ZFP1: variants seen among roughly 807,000 people sequenced by gnomAD.
ZFP1 encodes zinc finger protein 1 homolog.
A neutral mutation model predicts 38.5 loss-of-function variants in ZFP1; 32 were observed. That is an observed-to-expected ratio of 0.83 (90% CI 0.63 to 1.12). The LOEUF is 1.12. Among genes scored for constraint, ZFP1 ranks in the 50% most tolerant of loss-of-function variants. The pLI is 0.00. For synonymous variants in ZFP1, 245 were observed against 168.8 expected, an observed-to-expected ratio of 1.45 and a Z score of -3.50; for missense variants, 616 against 480.8, an observed-to-expected ratio of 1.28 and a Z score of -2.63.
chr16:75,169,620 C>G lies in ZFP1; in HGVS notation c.510C>G (p.Ala170=). ...GAAAAGCCCTCAGCCATAAAGCAGC[C>G]ATTTTTAAACATCAGAAAATAAAAA... ...KSGKALSHKA[A]IFKHQKIKNL... Residue 170 remains alanine, a synonymous_variant, in exon 4 of 4, where the codon GCC becomes GCG. Transcript: ENST00000570010. 6.3e-7 allele frequency: 1 copy of G among 1,591,862 alleles called. No individual in the cohort carries two copies. Among genetic ancestry groups the G allele is most frequent in the South Asian group, 1.1e-5 (1 of 87,200 alleles).
the ZFP1 span, among the ~76,000 whole-genome samples, chr16:75,129,535 G>C: frequency 6.6e-6 from 1 of 152,100 alleles, no homozygotes; most frequent in Admixed American, 6.5e-5. Flanking sequence ...GTCTTGGAGA[G>C]GCTAATAAGA....
the ZFP1 span, among the ~76,000 whole-genome samples, chr16:75,142,916 G>A: frequency 6.6e-6 from 1 of 152,170 alleles, no homozygotes; most frequent in Non-Finnish European, 1.5e-5. Flanking sequence ...TGGCCAGGCT[G>A]ATCTTGAACT....
chr16:75,139,930 T>C, the ZFP1 span, among the ~76,000 whole-genome samples: 3 of 152,258 alleles, frequency 2.0e-5, no homozygotes, highest in Admixed American at 1.3e-4. Flanking sequence ...TTGAAAATGG[T>C]TAAGATAGTA....
the ZFP1 span, among the ~76,000 whole-genome samples, chr16:75,140,046 A>G: frequency 3.9e-5 from 6 of 152,082 alleles, no homozygotes; most frequent in Non-Finnish European, 8.8e-5. Flanking sequence ...AGGTGGGAGG[A>G]TCACCTGAAG....
At chr16:75,160,554 G>T (rs953865919) in intron 2 of ZFP1, among the ~76,000 whole-genome samples, 29 of 151,926 alleles carry the variant, frequency 1.9e-4, no homozygotes, top group Non-Finnish European at 1.9e-4. Flanking sequence ...AGCTACTTAG[G>T]TGGCTGAGGC....
At chr16:75,140,937 C>G in the ZFP1 span, among the ~76,000 whole-genome samples, 1 of 151,772 alleles carries the variant, frequency 6.6e-6, no homozygotes, top group African/African-American at 2.4e-5. Flanking sequence ...CTAGCCTGGG[C>G]GACAGAGCAA....
chr16:75,167,096 A>G (rs1403045675), intron 3 of ZFP1, among the ~76,000 whole-genome samples, 200 bp downstream of exon 3: 1 of 152,238 alleles, frequency 6.6e-6, no homozygotes, highest in Non-Finnish European at 1.5e-5. Flanking sequence ...ATTAGGAGCT[A>G]TGTCCCATTA....
At chr16:75,141,830 C>T in the ZFP1 span, among the ~76,000 whole-genome samples, 1 of 151,288 alleles carries the variant, frequency 6.6e-6, no homozygotes, top group African/African-American at 2.4e-5. Flanking sequence ...GCGAGTGGAT[C>T]ATTTGAGGTC....
intron 3 of ZFP1, among the ~76,000 whole-genome samples, chr16:75,168,281 C>G (rs551893493): frequency 6.6e-6 from 1 of 152,152 alleles, no homozygotes; most frequent in Non-Finnish European, 1.5e-5. Flanking sequence ...TTAGCCTTGC[C>G]AGTATCTGTT....
chr16:75,158,217 C>G (rs916403732), intron 2 of ZFP1, among the ~76,000 whole-genome samples: 1 of 151,840 alleles, frequency 6.6e-6, no homozygotes, highest in Non-Finnish European at 1.5e-5. Flanking sequence ...TTGATCCAGC[C>G]TGTTTCTTTT....
the ZFP1 span, among the ~76,000 whole-genome samples, chr16:75,124,048 T>G: frequency 6.6e-6 from 1 of 151,504 alleles, no homozygotes; most frequent in Non-Finnish European, 1.5e-5. Flanking sequence ...AAGCCAAGAT[T>G]GCGCCTCTGC....
intron 2 of ZFP1, among the ~76,000 whole-genome samples, chr16:75,161,168 A>G (rs1373470102): frequency 1.3e-5 from 2 of 152,094 alleles, no homozygotes; most frequent in Admixed American, 6.6e-5. Flanking sequence ...TCCGGGTTCA[A>G]GCGATTCTCC....
chr16:75,152,478 A>G (rs770392160), intron 1 of ZFP1, among the ~76,000 whole-genome samples: 1 of 152,214 alleles, frequency 6.6e-6, no homozygotes, highest in Non-Finnish European at 1.5e-5. Flanking sequence ...ACCTGCTGAA[A>G]GATCAACTCT....
At chr16:75,120,506 G>T in the ZFP1 span, among the ~76,000 whole-genome samples, 13 of 147,358 alleles carry the variant, frequency 8.8e-5, no homozygotes, top group East Asian at 2.0e-4. Context: ...CCTGTTTGTG[G>T]TTTTTTTTTG....
intron 2 of ZFP1, among the ~76,000 whole-genome samples, chr16:75,154,522 ATG>A (rs1471849251): frequency 6.7e-6 from 1 of 150,268 alleles, no homozygotes; most frequent in East Asian, 2.0e-4. Flanking sequence ...ACTCCCTTCA[ATG>A]TGGCTGTACC....
intron 1 of ZFP1, among the ~76,000 whole-genome samples, chr16:75,151,303 A>G (rs1489250932): frequency 6.6e-6 from 1 of 151,834 alleles, no homozygotes; most frequent in Non-Finnish European, 1.5e-5. Flanking sequence ...CTTTTTTTAT[A>G]TAATTTGACC....
Position 75,172,094 on chromosome 16 carries a change from T to C in ZFP1, c.*1760T>C, listed in dbSNP as rs2038465297. The stretch of plus-strand genomic sequence containing the variant: ...AATAAATTGTGGTAAAAACATACCA[T>C]GGCTGAATGGTATTTCCTTGAAAAG... On this transcript the variant is annotated 3_prime_UTR_variant, in exon 4 of 4. Transcript: ENST00000570010. The C allele has an allele frequency of 6.6e-6, 1 of 152,170 alleles. No individual in the cohort carries two copies. 9.4% of individuals were successfully genotyped at this position (152,170 alleles called of 1,614,324 possible). A position where few individuals can be genotyped will look rare whatever the true frequency, so the allele number is the denominator to read the frequency against.
At chr16:75,139,240 G>A in the ZFP1 span, among the ~76,000 whole-genome samples, 2 of 151,680 alleles carry the variant, frequency 1.3e-5, no homozygotes, top group African/African-American at 4.8e-5. Flanking sequence ...GTGGTGGCGG[G>A]TGCCTGTAGT....
At chr16:75,123,447 GTGTATATGTATATATATATATA>G in the ZFP1 span, among the ~76,000 whole-genome samples, 1 of 16,442 alleles carries the variant, frequency 6.1e-5, no homozygotes, top group Non-Finnish European at 1.5e-4. Flanking sequence ...GTGTGTGTGT[GTGTATATGTATATATATATATA>G]TATATATATA....
Sources: gnomAD v4.1 joint callset for allele counts (sites outside exome capture counted in the v4.1 genomes callset) on GRCh38, gnomAD v4.1.1 for gene constraint, MANE v1.5 for transcripts, NCBI Gene and HGNC (gene_info 2026-07-23, HGNC 2026-07-21) for gene names.